NKAIN2: variants seen among roughly 807,000 people sequenced by gnomAD.
NKAIN2 encodes sodium/potassium transporting ATPase interacting 2, also known as sodium/potassium-transporting ATPase subunit beta-1-interacting protein 2.
NKAIN2 carries 14 observed loss-of-function variants against 32.6 expected under a neutral mutation model. That is an observed-to-expected ratio of 0.43 (90% CI 0.28 to 0.67). The LOEUF is 0.67. Ranked by LOEUF, NKAIN2 falls within the 30% of genes least tolerant of loss-of-function variation. NKAIN2 has a pLI of 0.17. For synonymous variants in NKAIN2, 80 were observed against 87.2 expected, an observed-to-expected ratio of 0.92 and a Z score of 0.46; for missense variants, 198 against 258.3, an observed-to-expected ratio of 0.77 and a Z score of 1.60.
intron 1 of NKAIN2, among the ~76,000 whole-genome samples, chr6:123,814,769 C>G (rs1043995274): frequency 2.0e-5 from 3 of 152,096 alleles, no homozygotes; most frequent in African/African-American, 7.2e-5. Context: ...TACTGGTAGG[C>G]CCATCTTTTA....
At chr6:124,359,077 A>G (rs1799140589) in intron 3 of NKAIN2, among the ~76,000 whole-genome samples, 2 of 152,198 alleles carry the variant, frequency 1.3e-5, no homozygotes, top group Admixed American at 6.5e-5. Context: ...AAGATCAGAT[A>G]GTTGTAGATA....
intron 1 of NKAIN2, among the ~76,000 whole-genome samples, chr6:124,219,707 A>G (rs1237248582): frequency 6.6e-6 from 1 of 152,180 alleles, no homozygotes; most frequent in Non-Finnish European, 1.5e-5. Flanking sequence ...ATGAGAACCT[A>G]TAGGAAGAAG....
intron 3 of NKAIN2, among the ~76,000 whole-genome samples, chr6:124,586,438 T>C (rs957466914): frequency 3.3e-5 from 5 of 152,048 alleles, no homozygotes; most frequent in Non-Finnish European, 7.4e-5. Flanking sequence ...TGGGGCCTAC[T>C]TGAGGGCGTA....
At chr6:124,634,726 T>C (rs1046036308) in intron 3 of NKAIN2, among the ~76,000 whole-genome samples, 1 of 151,994 alleles carries the variant, frequency 6.6e-6, no homozygotes, top group African/African-American at 2.4e-5. Context: ...GACATCCAGA[T>C]CCAAGAAGCT....
At chr6:124,751,812 C>CAATA (rs10665653) in intron 4 of NKAIN2, among the ~76,000 whole-genome samples, 107,727 of 133,942 alleles carry the variant, frequency 0.8, 43,473 homozygotes, top group South Asian at 0.88. Flanking sequence ...GACCCCATCT[C>CAATA]AATAAATAAA....
chr6:124,024,399 C>T (rs558170976), intron 1 of NKAIN2, among the ~76,000 whole-genome samples: 6 of 152,234 alleles, frequency 3.9e-5, no homozygotes, highest in East Asian at 3.9e-4. Context: ...ACCTGCTGAA[C>T]GTCGGCCTCT....
intron 3 of NKAIN2, among the ~76,000 whole-genome samples, chr6:124,550,056 G>A (rs1388019585): frequency 6.6e-6 from 1 of 152,000 alleles, no homozygotes. Flanking sequence ...ATCTTGTCTG[G>A]GGCAAATATG....
intron 3 of NKAIN2, among the ~76,000 whole-genome samples, chr6:124,530,978 T>A (rs991846856): frequency 5.9e-5 from 9 of 152,226 alleles, no homozygotes; most frequent in African/African-American, 2.2e-4. Flanking sequence ...TTTTCTTTAC[T>A]CAGTCCAAAG....
intron 3 of NKAIN2, among the ~76,000 whole-genome samples, chr6:124,416,647 C>G (rs1260978558): frequency 6.6e-6 from 1 of 151,946 alleles, no homozygotes; most frequent in Non-Finnish European, 1.5e-5. Context: ...AACAAACAAA[C>G]AAATAATGAA....
intron 1 of NKAIN2, among the ~76,000 whole-genome samples, chr6:124,130,112 C>A (rs1223786215): frequency 6.6e-6 from 1 of 152,078 alleles, no homozygotes; most frequent in Non-Finnish European, 1.5e-5. Context: ...CATGCTTACC[C>A]CTCTAAAGTA....
chr6:124,561,506 G>T (rs571399679), intron 3 of NKAIN2, among the ~76,000 whole-genome samples: 23 of 152,252 alleles, frequency 1.5e-4, no homozygotes, highest in African/African-American at 4.3e-4. Context: ...TGTTTTAGTT[G>T]CTTAGCTTTC....
At chr6:124,635,768 C>A (rs1783750747) in intron 3 of NKAIN2, among the ~76,000 whole-genome samples, 1 of 151,962 alleles carries the variant, frequency 6.6e-6, no homozygotes, top group African/African-American at 2.4e-5. Flanking sequence ...ATGCACCCAA[C>A]AATGGAGCAC....
intron 4 of NKAIN2, among the ~76,000 whole-genome samples, chr6:124,761,205 T>C (rs1019907823): frequency 5.3e-5 from 8 of 152,198 alleles, no homozygotes; most frequent in African/African-American, 1.9e-4. Flanking sequence ...TTAATTATAG[T>C]ATGTGCTATA....
rs570331032 is a variant in NKAIN2 at position 124,136,113 on chromosome 6, C to T, written c.55-146892C>T. ...AGATGTTTATTTGAAAAGATAAATA[C>T]GATTGATAAACCATTAGCAAGATTT... On this transcript the variant is annotated intron_variant, in intron 1 of 6. Transcript: ENST00000368417. Among the ~76,000 whole-genome samples, 6 of 151,916 alleles carry T rather than the reference C, an allele frequency of 3.9e-5. No homozygotes were observed. The South Asian group carries it at 6.2e-4, about 16-fold the overall frequency.
intron 3 of NKAIN2, among the ~76,000 whole-genome samples, chr6:124,625,032 TGC>T (rs1212819060): frequency 6.6e-6 from 1 of 152,174 alleles, no homozygotes. Flanking sequence ...ATATTTAAGC[TGC>T]ATCATTCATA....
At chr6:124,801,864 C>T (rs779890840) in intron 5 of NKAIN2, among the ~76,000 whole-genome samples, 2 of 152,130 alleles carry the variant, frequency 1.3e-5, no homozygotes, top group Non-Finnish European at 1.5e-5. Flanking sequence ...AAGACAGGCA[C>T]GCCTTTTTTA....
At chr6:124,109,917 T>C (rs1785297000) in intron 1 of NKAIN2, among the ~76,000 whole-genome samples, 2 of 152,222 alleles carry the variant, frequency 1.3e-5, no homozygotes, top group South Asian at 4.1e-4. Flanking sequence ...GATTTGGGCA[T>C]GTTGAACATC....
In NKAIN2 at chr6:124,299,691, C is replaced by G. The variant is rs1055378243; in HGVS notation, c.192+16549C>G. Among the ~76,000 whole-genome samples, 10 of 152,274 alleles carry G rather than the reference C, an allele frequency of 6.6e-5. No homozygotes were observed. The East Asian group carries it at 7.7e-4, about 12-fold the overall frequency. On this transcript the variant is annotated intron_variant, in intron 2 of 6. Coordinates refer to ENST00000368417, the MANE Select transcript of NKAIN2 (RefSeq NM_001040214.3). ...TCCCCTGAAGTATACATTACCCCTT[C>G]TTTTCTAGTTCTACTTCTGTTTTCT...
chr6:124,331,557 C>G (rs1209122655), intron 2 of NKAIN2, among the ~76,000 whole-genome samples: 1 of 150,616 alleles, frequency 6.6e-6, no homozygotes, highest in Admixed American at 6.6e-5. Context: ...AAAATCATTT[C>G]CCTGTGAAGA....
Sources: allele counts gnomAD v4.1 joint callset (sites outside exome capture counted in the v4.1 genomes callset), GRCh38; gene constraint gnomAD v4.1.1; transcripts MANE v1.5; gene names NCBI Gene and HGNC (gene_info 2026-07-23, HGNC 2026-07-21).